Variants in VRK2 observed in about 807,000 individuals in gnomAD.
VRK2 encodes the protein VRK serine/threonine kinase 2.
Under a neutral mutation model 57.6 loss-of-function variants are expected in VRK2, and 60 were observed. The ratio of observed to expected loss-of-function variants is 1.04; its 90% CI spans 0.85 to 1.29. The LOEUF (loss-of-function observed/expected upper bound fraction) is 1.29, where lower values mean the gene tolerates loss of function less well. VRK2 is among the 50% of genes most tolerant of loss of function. VRK2 has a pLI of 0.00. For synonymous variants in VRK2, 231 were observed against 199.2 expected, an observed-to-expected ratio of 1.16 and a Z score of -1.35; for missense variants, 705 against 588.1, an observed-to-expected ratio of 1.20 and a Z score of -2.06.
chr2:57,960,809 T>C lies in VRK2; in HGVS notation c.-439+52970T>C, dbSNP rs558754185. On this transcript the variant is annotated intron_variant, in intron 1 of 15. Coordinates refer to the VRK2 transcript ENST00000417641. ...AGACCAGGATCCAGCCATAATCTCT[T>C]CAAAATAATTTATAACAAGTGTAAC... Among the ~76,000 whole-genome samples, 73 of 152,320 alleles carry C rather than the reference T, an allele frequency of 4.8e-4. 2 individuals are homozygous for C. Among genetic ancestry groups the C allele is most frequent in the African/African-American group, 1.7e-3 (72 of 41,568 alleles).
intron 1 of VRK2, among the ~76,000 whole-genome samples, chr2:57,929,774 G>A (rs549601448): frequency 5.3e-5 from 8 of 152,242 alleles, no homozygotes; most frequent in Admixed American, 1.3e-4. Context: ...TAGTCAGCAG[G>A]TGACGAATCC....
chr2:58,124,101 C>T (rs1308961506), intron 8 of VRK2, among the ~76,000 whole-genome samples: 1 of 152,146 alleles, frequency 6.6e-6, no homozygotes, highest in Non-Finnish European at 1.5e-5. Flanking sequence ...ATTGATTGTA[C>T]TGCCTTGCAT....
intron 2 of VRK2, among the ~76,000 whole-genome samples, chr2:58,078,994 G>A (rs1285932699): frequency 1.3e-5 from 2 of 151,960 alleles, no homozygotes; most frequent in Admixed American, 6.6e-5. Flanking sequence ...TTTTTAAACT[G>A]GACTTTTGTT....
At chr2:58,052,715 A>G (rs1271804615) in intron 2 of VRK2, among the ~76,000 whole-genome samples, 1 of 152,124 alleles carries the variant, frequency 6.6e-6, no homozygotes, top group African/African-American at 2.4e-5. Flanking sequence ...TTTAACTACT[A>G]ATGTGGTAAA....
chr2:57,936,815 T>C (rs1475688095), intron 1 of VRK2, among the ~76,000 whole-genome samples: 1 of 152,164 alleles, frequency 6.6e-6, no homozygotes, highest in Non-Finnish European at 1.5e-5. Context: ...TTTCTAAAAG[T>C]TTAGTTGTTA....
intron 12 of VRK2, among the ~76,000 whole-genome samples, chr2:58,156,839 C>T (rs992812034): frequency 6.6e-6 from 1 of 152,028 alleles, no homozygotes; most frequent in African/African-American, 2.4e-5. Context: ...CTGGATCAGC[C>T]CTGAATCTCT....
chr2:57,994,529 A>G (rs977633820), intron 1 of VRK2, among the ~76,000 whole-genome samples: 1 of 152,198 alleles, frequency 6.6e-6, no homozygotes, highest in Non-Finnish European at 1.5e-5. Context: ...CAGAAGAACA[A>G]AAATACTCTG....
chr2:58,050,339 C>T (rs1409755237), intron 2 of VRK2, among the ~76,000 whole-genome samples: 1 of 152,152 alleles, frequency 6.6e-6, no homozygotes, highest in Non-Finnish European at 1.5e-5. Context: ...TGCTCAGTAA[C>T]TACATGTGGC....
intron 11 of VRK2, among the ~76,000 whole-genome samples, chr2:58,143,084 T>TTAA (rs1681576027): frequency 6.6e-6 from 1 of 151,838 alleles, no homozygotes; most frequent in Non-Finnish European, 1.5e-5. Context: ...TGTATAGAAT[T>TTAA]TAACGGTTTA....
chr2:58,097,862 A>G (rs753985707), intron 7 of VRK2, among the ~76,000 whole-genome samples: 2 of 152,072 alleles, frequency 1.3e-5, no homozygotes, highest in Non-Finnish European at 2.9e-5. Context: ...TTATTATACT[A>G]TTATTATTTT....
rs907534753 is a variant in VRK2 at position 57,975,563 on chromosome 2, T to C, written c.-438-50102T>C. On this transcript the variant is annotated intron_variant, in intron 1 of 15. Transcript: ENST00000417641. ...TTTGTTACAAGGGGATATTATATGA[T>C]GCTAGGTTTGGTCTTCTACTGATCC... is the stretch of plus-strand genomic sequence containing the variant. Among the ~76,000 whole-genome samples the C allele has an allele frequency of 1.2e-4, 18 of 152,074 alleles. No homozygotes were observed. The South Asian group carries it at 1.2e-3, about 11-fold the overall frequency.
At position 57,966,299 on chromosome 2, in the gene VRK2, C is replaced by G. The variant is rs60715360; in HGVS notation, c.-439+58460C>G. Among the ~76,000 whole-genome samples the G allele has an allele frequency of 1.6e-3, 243 of 152,302 alleles. 2 individuals carry two copies. The highest frequency in any genetic ancestry group is 5.5e-3 in the African/African-American group (229 of 41,568). On this transcript the variant is annotated intron_variant, in intron 1 of 15. Transcript: ENST00000417641. ...TGAGGAATACAGGATCAAGGGCAAGCAGCAAACAAGCTAGTAGTCACACTG... is the reference window on the plus strand; with the variant it reads ...TGAGGAATACAGGATCAAGGGCAAGGAGCAAACAAGCTAGTAGTCACACTG...
At chr2:58,005,979 G>A (rs1405795470) in intron 1 of VRK2, among the ~76,000 whole-genome samples, 1 of 152,116 alleles carries the variant, frequency 6.6e-6, no homozygotes, top group East Asian at 1.9e-4. Flanking sequence ...GGTAAGCAAG[G>A]CAATGCTGAT....
At chr2:58,032,446 G>T (rs1278727147) in intron 2 of VRK2, among the ~76,000 whole-genome samples, 3 of 152,034 alleles carry the variant, frequency 2.0e-5, no homozygotes, top group African/African-American at 7.2e-5. Flanking sequence ...AAAGGGAAGT[G>T]AGCCCTCTGT....
intron 1 of VRK2, among the ~76,000 whole-genome samples, chr2:57,940,589 T>C (rs1330482090): frequency 6.6e-6 from 1 of 152,158 alleles, no homozygotes; most frequent in Non-Finnish European, 1.5e-5. Flanking sequence ...CACTATAACA[T>C]GTTCTCATAC....
At chr2:57,976,542 C>G (rs2104035136) in intron 1 of VRK2, among the ~76,000 whole-genome samples, 2 of 152,150 alleles carry the variant, frequency 1.3e-5, no homozygotes, top group South Asian at 4.1e-4. Flanking sequence ...GCCAGTTACT[C>G]ACTTTTTAAT....
At chr2:57,924,047 A>C (rs569684403) in intron 1 of VRK2, among the ~76,000 whole-genome samples, 1 of 151,776 alleles carries the variant, frequency 6.6e-6, no homozygotes, top group East Asian at 1.9e-4. Flanking sequence ...GTGTGAATTT[A>C]TTTCTGTGTT....
At position 57,941,001 on chromosome 2, in the gene VRK2, T is replaced by C. The variant is rs116060994; in HGVS notation, c.-439+33162T>C. ...CACAAGAATGCCATCTGGATCTAAA[T>C]GCCTCCTGAGAACAAGTACTGATTC... On this transcript the variant is annotated intron_variant, in intron 1 of 15. Transcript: ENST00000417641. Among the ~76,000 whole-genome samples, 624 of 152,262 alleles carry C rather than the reference T, an allele frequency of 4.1e-3. 5 individuals are homozygous for C. The highest frequency in any genetic ancestry group is 0.014 in the African/African-American group (587 of 41,550).
At chr2:58,103,533 G>C (rs1486749786) in intron 7 of VRK2, among the ~76,000 whole-genome samples, 3 of 151,662 alleles carry the variant, frequency 2.0e-5, no homozygotes, top group Non-Finnish European at 4.4e-5. Context: ...AACCTCTCAA[G>C]ATTGAACCAG....
Sources: allele counts gnomAD v4.1 joint callset (sites outside exome capture counted in the v4.1 genomes callset), GRCh38; gene constraint gnomAD v4.1.1; transcripts MANE v1.5; gene names NCBI Gene and HGNC (gene_info 2026-07-23, HGNC 2026-07-21).